The following TRIOBP variants were observed in gnomAD, a reference collection of about 807,000 sequenced individuals.
The protein encoded by TRIOBP is TRIO and F-actin binding protein, also known as TRIO and F-actin-binding protein.
A neutral mutation model predicts 238.8 loss-of-function variants in TRIOBP; 169 were observed. The observed-to-expected ratio is 0.71, with a 90% CI of 0.62 to 0.80. The LOEUF is 0.80. Among genes scored for constraint, TRIOBP ranks in the 30% least tolerant of loss-of-function variants. TRIOBP has a pLI of 0.00. For missense variants in TRIOBP, 2,838 were observed against 3,122.6 expected (o/e 0.91, Z 2.17); for synonymous variants, 1,150 against 1,274.4 (o/e 0.90, Z 2.08).
chr22:37,721,012 T>C (rs1038541590), intron 6 of TRIOBP, among the ~76,000 whole-genome samples: 1 of 145,668 alleles, frequency 6.9e-6, no homozygotes, highest in Non-Finnish European at 1.5e-5. Flanking sequence ...CATGCACTAC[T>C]GCATCCGGCT....
intron 5 of TRIOBP, among the ~76,000 whole-genome samples, chr22:37,714,402 C>T (rs1923412136): frequency 2.0e-5 from 3 of 152,220 alleles, no homozygotes; most frequent in South Asian, 4.1e-4. Context: ...GGTGCGGTGG[C>T]TCACGCCTGT....
At position 37,774,309 on chromosome 22, in the gene TRIOBP, T is replaced by C. The variant is rs1926937753; in HGVS notation, c.*529T>C. ...GAGAGGCGGGAGCCTGCCACCCTCT[T>C]CCTGCCCTACCTCCTACTAACACTT... On this transcript the variant is annotated 3_prime_UTR_variant, in exon 24 of 24. Coordinates refer to ENST00000644935, the MANE Select transcript of TRIOBP (RefSeq NM_001039141.3). The C allele has an allele frequency of 6.6e-6, 1 of 152,386 alleles. No homozygotes were observed. The allele number at this position is 152,386 out of a possible 1,614,324, so 9.4% of individuals were successfully genotyped here.
intron 16 of TRIOBP, 73 bp downstream of exon 16, chr22:37,758,211 G>T: frequency 6.3e-7 from 1 of 1,577,656 alleles, no homozygotes. Context: ...TCATGCCCTG[G>T]CATTTGTCTT....
intron 11 of TRIOBP, chr22:37,751,307 G>T (rs1569054536): frequency 5.9e-6 from 2 of 341,792 alleles, no homozygotes; most frequent in Non-Finnish European, 1.2e-5. Flanking sequence ...TCCTGGAGCC[G>T]AGGAAAGGAC....
rs769819427 is a variant in TRIOBP at position 37,755,112 on chromosome 22, G to A, written c.5499G>A (p.Leu1833=). ...RDSTAEEADE[L]DGEIDLRSCT... is the part of the protein sequence containing the mutation. ...CCCTCTTGCTCCAGGCAGATGAGCTGGATGGTGAGATCGACCTGCGTTCCT... is the reference window on the plus strand; with the variant it reads ...CCCTCTTGCTCCAGGCAGATGAGCTAGATGGTGAGATCGACCTGCGTTCCT... Residue 1833 remains leucine, a synonymous_variant, in exon 14 of 24, where the codon CTG becomes CTA. Transcript: ENST00000644935. 19 of 1,613,598 alleles carry A rather than the reference G, an allele frequency of 1.2e-5. No homozygotes were observed. In the African/African-American group the frequency reaches 2.3e-4, roughly 19 times the overall value.
At chr22:37,743,805 GTGTGTGT>G (rs1925062837) in intron 11 of TRIOBP, among the ~76,000 whole-genome samples, 1 of 72,970 alleles carries the variant, frequency 1.4e-5, no homozygotes, top group African/African-American at 8.9e-5. Flanking sequence ...GAGAGAATGT[GTGTGTGT>G]GTGTGTGTGT....
intron 3 of TRIOBP, among the ~76,000 whole-genome samples, chr22:37,702,119 A>G (rs1922682624): frequency 6.6e-6 from 1 of 152,148 alleles, no homozygotes; most frequent in Admixed American, 6.6e-5. Flanking sequence ...AAACAAAACA[A>G]AACAAAAAAG....
chr22:37,713,206 C>T lies in TRIOBP; in HGVS notation c.255-4C>T, dbSNP rs761004940. 4.3e-6 allele frequency: 7 copies of T among 1,612,570 alleles called. No homozygotes were observed. The African/African-American group carries it at 6.7e-5, about 15-fold the overall frequency. Reference sequence around the variant, plus strand: ...TTACTTTTTGGGTCTGTCTCCTCTCCCAGGGGCCCATCCCCCTCAGCAGGG... The same window carrying T: ...TTACTTTTTGGGTCTGTCTCCTCTCTCAGGGGCCCATCCCCCTCAGCAGGG... On this transcript the variant is annotated splice_region_variant and splice_polypyrimidine_tract_variant and intron_variant, in intron 4 of 23. Coordinates refer to ENST00000644935, the MANE Select transcript of TRIOBP (RefSeq NM_001039141.3).
intron 2 of TRIOBP, among the ~76,000 whole-genome samples, chr22:37,699,283 C>T: frequency 6.6e-6 from 1 of 152,150 alleles, no homozygotes; most frequent in East Asian, 1.9e-4. Flanking sequence ...AAATACCTGG[C>T]CAGCTTTTTG....
At chr22:37,699,162 C>CA (rs1433056393) in intron 2 of TRIOBP, among the ~76,000 whole-genome samples, 1 of 152,092 alleles carries the variant, frequency 6.6e-6, no homozygotes, top group African/African-American at 2.4e-5. Flanking sequence ...AAAAACAAAA[C>CA]AAAACAAAAC....
At chr22:37,709,830 C>CA (rs1162593233) in intron 3 of TRIOBP, among the ~76,000 whole-genome samples, 1 of 152,202 alleles carries the variant, frequency 6.6e-6, no homozygotes, top group Non-Finnish European at 1.5e-5. Context: ...CTTGACCCTC[C>CA]AGCCCTGGAT....
At chr22:37,708,510 C>G (rs984548746) in intron 3 of TRIOBP, among the ~76,000 whole-genome samples, 1 of 152,220 alleles carries the variant, frequency 6.6e-6, no homozygotes, top group Admixed American at 6.5e-5. Flanking sequence ...GAGACTGCAC[C>G]ATTGCACTCT....
At chr22:37,755,725 T>C in intron 15 of TRIOBP, 66 bp downstream of exon 15, 1 of 1,417,624 alleles carries the variant, frequency 7.1e-7, no homozygotes, top group Non-Finnish European at 9.9e-7. Context: ...AGTGGGTTTC[T>C]AGGTACTCAC....
At chr22:37,768,459 A>G (rs1926607474) in intron 19 of TRIOBP, among the ~76,000 whole-genome samples, 1 of 152,270 alleles carries the variant, frequency 6.6e-6, no homozygotes, top group South Asian at 2.1e-4. Context: ...ACTGTTGACC[A>G]CTAGGCCTCT....
Position 37,734,614 on chromosome 22 carries a change from G to A in TRIOBP, c.4278G>A (p.Val1426=), listed in dbSNP as rs921718288. 3 of 1,583,460 alleles carry A rather than the reference G, an allele frequency of 1.9e-6. No homozygotes were observed. Among genetic ancestry groups the A allele is most frequent in the Non-Finnish European group, 2.6e-6 (3 of 1,165,158 alleles). Residue 1426 remains valine (V), a synonymous_variant, in exon 9 of 24, where the codon GTG becomes GTA. Coordinates refer to ENST00000644935, the MANE Select transcript of TRIOBP (RefSeq NM_001039141.3). ...GQAGPRQPLG[V]WQSQEEPPGS... The stretch of plus-strand genomic sequence containing the variant: ...CAGGCCCAAGACAGCCTCTGGGGGT[G>A]TGGCAGAGTCAGGAGGAACCGCCAG...
At chr22:37,750,969 A>G (rs117723114) in intron 11 of TRIOBP, 6,230 of 369,408 alleles carry the variant, frequency 0.017, 60 homozygotes, top group Middle Eastern at 0.037. Flanking sequence ...TGCCGGCGCC[A>G]GGAGCGGAGA....
chr22:37,736,881 C>T (rs1924699151), intron 9 of TRIOBP, among the ~76,000 whole-genome samples: 1 of 152,208 alleles, frequency 6.6e-6, no homozygotes, highest in African/African-American at 2.4e-5. Context: ...TCCACCTTGG[C>T]CTCCCAAAGT....
chr22:37,750,334 G>T (rs1479284172), intron 11 of TRIOBP, among the ~76,000 whole-genome samples: 1 of 152,254 alleles, frequency 6.6e-6, no homozygotes, highest in East Asian at 1.9e-4. Flanking sequence ...CTCCGGGCTA[G>T]GTGGGGGTAG....
chr22:37,735,466 A>C, intron 9 of TRIOBP, 24 bp downstream of exon 9: 1 of 1,546,586 alleles, frequency 6.5e-7, no homozygotes. Flanking sequence ...CACCCTCCCA[A>C]GGGTAGCCAG....
Sources: allele counts gnomAD v4.1 joint callset (sites outside exome capture counted in the v4.1 genomes callset), GRCh38; gene constraint gnomAD v4.1.1; transcripts MANE v1.5; gene names NCBI Gene and HGNC (gene_info 2026-07-23, HGNC 2026-07-21).